Variants in SLAMF6 observed in about 807,000 individuals in gnomAD.
The protein encoded by SLAMF6 is SLAM family member 6.
Under a neutral mutation model 38.3 loss-of-function variants are expected in SLAMF6, and 21 were observed. That is an observed-to-expected ratio of 0.55 (90% CI 0.39 to 0.79). SLAMF6 has a LOEUF of 0.79. Among genes scored for constraint, SLAMF6 ranks in the 30% least tolerant of loss-of-function variants. The pLI is 0.00. For synonymous variants in SLAMF6, 152 were observed against 146.3 expected (o/e 1.04, Z -0.28); for missense variants, 341 against 385.3 (o/e 0.89, Z 0.96).
At position 160,500,286 on chromosome 1, in the gene SLAMF6, T is replaced by C. The variant is rs2181949; in HGVS notation, c.50-3893A>G. Among the ~76,000 whole-genome samples, 121 of 152,376 alleles carry C rather than the reference T, an allele frequency of 7.9e-4. 1 individual carries two copies. The highest frequency in any genetic ancestry group is 2.8e-3 in the African/African-American group (116 of 41,596). ...AAAACAAAATCATGTCTATGGTCTA[T>C]AAGGACCAAAATGATCTGGCCATTT... On this transcript the variant is annotated intron_variant, in intron 1 of 7. Transcript: ENST00000368057.
chr1:160,510,087 A>G (rs928711413), intron 1 of SLAMF6, among the ~76,000 whole-genome samples: 1 of 152,124 alleles, frequency 6.6e-6, no homozygotes, highest in African/African-American at 2.4e-5. Context: ...CTATAACAAG[A>G]AAAGAGATTG....
chr1:160,487,182 A>C lies in SLAMF6; in HGVS notation c.880-7T>G. 1.2e-6 allele frequency: 2 copies of C among 1,612,164 alleles called. No individual in the cohort carries two copies. Among genetic ancestry groups the C allele is most frequent in the Non-Finnish European group, 1.7e-6 (2 of 1,179,306 alleles). ...GTGTCCAGATTTCTGTTTCCTGTAA[A>C]AAGAATCATACCAATTTGGCTTACA... On this transcript the variant is annotated splice_region_variant and splice_polypyrimidine_tract_variant and intron_variant, in intron 6 of 7. Coordinates refer to ENST00000368057, the MANE Select transcript of SLAMF6 (RefSeq NM_001184714.2).
At chr1:160,523,023 C>A in intron 1 of SLAMF6, 121 bp downstream of exon 1, 1 of 1,055,192 alleles carries the variant, frequency 9.5e-7, no homozygotes, top group African/African-American at 1.6e-5. Context: ...CCAGCGTCCC[C>A]TTTCCCGCCC....
intron 1 of SLAMF6, among the ~76,000 whole-genome samples, chr1:160,515,123 AAAG>A (rs1167054361): frequency 1.3e-5 from 2 of 152,270 alleles, no homozygotes; most frequent in South Asian, 4.1e-4. Context: ...CTAGACTAAC[AAAG>A]AAGAAAAGAG....
At chr1:160,496,825 A>T (rs567699654) in intron 1 of SLAMF6, among the ~76,000 whole-genome samples, 1 of 152,232 alleles carries the variant, frequency 6.6e-6, no homozygotes, top group Non-Finnish European at 1.5e-5. Flanking sequence ...TGTGTCCAAC[A>T]TAGTAGGCTT....
chr1:160,487,051 A>C lies in SLAMF6; in HGVS notation c.951+53T>G. 9.1e-6 allele frequency: 13 copies of C among 1,424,668 alleles called. No homozygotes were observed. The South Asian group carries it at 1.6e-4, about 17-fold the overall frequency. 88.3% of individuals were successfully genotyped at this position (1,424,668 alleles called of 1,614,324 possible). ...ATTTTTACTTTATTTGAAAAATCAT[A>C]GGTCTGTGGAGAGAGGTAAGAATAT... is the stretch of plus-strand genomic sequence containing the variant. On this transcript the variant is annotated intron_variant, in intron 7 of 7. Transcript: ENST00000368057.
intron 1 of SLAMF6, among the ~76,000 whole-genome samples, chr1:160,500,825 T>A (rs1382038651): frequency 1.3e-5 from 2 of 152,150 alleles, no homozygotes; most frequent in Non-Finnish European, 2.9e-5. Context: ...TAAAGCTCAG[T>A]TCCTTTTGGT....
intron 1 of SLAMF6, among the ~76,000 whole-genome samples, chr1:160,519,829 A>G (rs919248859): frequency 2.0e-5 from 3 of 152,114 alleles, no homozygotes; most frequent in Non-Finnish European, 4.4e-5. Flanking sequence ...TAGTGGGTAC[A>G]GGGTTTCCTT....
intron 1 of SLAMF6, among the ~76,000 whole-genome samples, chr1:160,512,393 C>T (rs539081212): frequency 3.2e-4 from 48 of 152,286 alleles, no homozygotes; most frequent in East Asian, 5.8e-4. Context: ...ACTGGGGCTG[C>T]GGACTCTGTG....
chr1:160,517,718 C>T (rs538540616), intron 1 of SLAMF6, among the ~76,000 whole-genome samples: 2 of 152,232 alleles, frequency 1.3e-5, no homozygotes, highest in South Asian at 4.1e-4. Flanking sequence ...GTGGATGAAG[C>T]TGGAAGCCAT....
intron 1 of SLAMF6, among the ~76,000 whole-genome samples, chr1:160,500,521 C>A (rs1160835147): frequency 1.3e-5 from 2 of 152,058 alleles, no homozygotes; most frequent in Non-Finnish European, 2.9e-5. Flanking sequence ...GAAGTGTGAC[C>A]ACTCTTTTTG....
At chr1:160,505,321 G>A (rs1404329059) in intron 1 of SLAMF6, among the ~76,000 whole-genome samples, 3 of 152,212 alleles carry the variant, frequency 2.0e-5, no homozygotes, top group African/African-American at 7.2e-5. Flanking sequence ...GAACAAGAAA[G>A]TGTGACCCAT....
chr1:160,500,839 G>T (rs963915008), intron 1 of SLAMF6, among the ~76,000 whole-genome samples: 1 of 152,128 alleles, frequency 6.6e-6, no homozygotes, highest in Non-Finnish European at 1.5e-5. Flanking sequence ...TTTTGGTAGG[G>T]AGTCTGGGCT....
chr1:160,512,689 C>A (rs1198387154), intron 1 of SLAMF6, among the ~76,000 whole-genome samples: 1 of 152,084 alleles, frequency 6.6e-6, no homozygotes, highest in Admixed American at 6.5e-5. Flanking sequence ...GCAGCCTCCA[C>A]TGGTGACACC....
At chr1:160,508,893 A>G (rs1315780320) in intron 1 of SLAMF6, among the ~76,000 whole-genome samples, 1 of 152,250 alleles carries the variant, frequency 6.6e-6, no homozygotes. Context: ...GCCAACAGAC[A>G]TATGAAAAAA....
intron 6 of SLAMF6, among the ~76,000 whole-genome samples, chr1:160,488,001 G>A (rs774565479): frequency 1.1e-4 from 17 of 151,028 alleles, no homozygotes; most frequent in Non-Finnish European, 2.5e-4. Context: ...AAGGTAAAAG[G>A]ATCACCTGAG....
intron 2 of SLAMF6, among the ~76,000 whole-genome samples, chr1:160,493,869 G>A (rs1376712705): frequency 6.6e-6 from 1 of 152,022 alleles, no homozygotes; most frequent in Non-Finnish European, 1.5e-5. Context: ...AGAGAGAAAG[G>A]GCAAGGAAGT....
At chr1:160,517,528 G>A (rs187668395) in intron 1 of SLAMF6, among the ~76,000 whole-genome samples, 31 of 152,134 alleles carry the variant, frequency 2.0e-4, no homozygotes, top group Middle Eastern at 3.4e-3. Context: ...AATATAAATC[G>A]CTCTGTTACA....
chr1:160,507,735 G>A (rs751444162), intron 1 of SLAMF6, among the ~76,000 whole-genome samples: 2 of 152,028 alleles, frequency 1.3e-5, no homozygotes, highest in African/African-American at 2.4e-5. Flanking sequence ...AGAACAGAAG[G>A]AGAATTGGAA....
Sources: gnomAD v4.1 joint callset for allele counts (sites outside exome capture counted in the v4.1 genomes callset) on GRCh38, gnomAD v4.1.1 for gene constraint, MANE v1.5 for transcripts, NCBI Gene and HGNC (gene_info 2026-07-23, HGNC 2026-07-21) for gene names.